Variants in EYS observed in about 807,000 individuals in gnomAD.
The protein encoded by EYS is protein eyes shut homolog.
EYS carries 250 observed loss-of-function variants against 282.1 expected under a neutral mutation model. The ratio of observed to expected loss-of-function variants is 0.89; its 90% CI spans 0.80 to 0.98. The LOEUF (loss-of-function observed/expected upper bound fraction) is 0.98. Ranked by LOEUF, EYS falls within the 50% of genes least tolerant of loss-of-function variation. The pLI is 0.00. For missense variants in EYS, 4,016 were observed against 3,709.0 expected, an observed-to-expected ratio of 1.08 and a Z score of -2.15; for synonymous variants, 1,355 against 1,282.9, an observed-to-expected ratio of 1.06 and a Z score of -1.20.
intron 12 of EYS, among the ~76,000 whole-genome samples, chr6:65,229,121 T>C (rs997493950): frequency 2.0e-5 from 3 of 152,116 alleles, no homozygotes; most frequent in Admixed American, 1.3e-4. Flanking sequence ...ACAATTTCAC[T>C]GAAGCCAAAT....
chr6:63,773,065 C>T (rs1052301918), intron 40 of EYS, among the ~76,000 whole-genome samples: 5 of 152,020 alleles, frequency 3.3e-5, no homozygotes, highest in African/African-American at 1.2e-4. Context: ...TGAAGTCCTC[C>T]ATTATATAAA....
rs1054515897 is a variant in EYS at position 64,591,212 on chromosome 6, A to T, written c.4655T>A (p.Leu1552Ter). The stretch of plus-strand genomic sequence containing the variant: ...AGAACATGTTGCACATGTTTGGCTT[A>T]ATTCTCTTAAAGAATCAGCAGCCTG... ...KSQAADSLRE[L>*]SQTCATCSMT... Residue 1552 changes from leucine (L) to a stop codon, truncating the protein, a stop_gained, in exon 26 of 43, where the codon TTA becomes TAA. Transcript: ENST00000503581. LOFTEE classifies it high-confidence loss of function. 6.4e-7 allele frequency: 1 copy of T among 1,551,376 alleles called. No individual in the cohort carries two copies. The highest frequency in any genetic ancestry group is 8.7e-7 in the Non-Finnish European group (1 of 1,146,800).
chr6:64,336,688 G>A (rs761850338), intron 29 of EYS, among the ~76,000 whole-genome samples: 68 of 151,852 alleles, frequency 4.5e-4, no homozygotes, highest in African/African-American at 1.4e-3. Flanking sequence ...ATTCAACAGC[G>A]CATGGAACTT....
intron 31 of EYS, among the ~76,000 whole-genome samples, chr6:64,227,308 G>A (rs1766279762): frequency 6.6e-6 from 1 of 151,480 alleles, no homozygotes; most frequent in African/African-American, 2.4e-5. Context: ...TAACTTCTTT[G>A]GTTTGACGAT....
intron 31 of EYS, among the ~76,000 whole-genome samples, chr6:64,202,651 T>A (rs1247433806): frequency 1.3e-5 from 2 of 152,114 alleles, no homozygotes; most frequent in Non-Finnish European, 2.9e-5. Flanking sequence ...GAAAATGTAA[T>A]CTTGTTTGGC....
At chr6:64,609,659 C>T (rs545499074) in intron 24 of EYS, among the ~76,000 whole-genome samples, 14 of 152,082 alleles carry the variant, frequency 9.2e-5, no homozygotes, top group East Asian at 5.8e-4. Context: ...TGAAGCAGGA[C>T]GGGTGCTTGA....
chr6:64,337,131 C>A (rs1353386011), intron 29 of EYS, among the ~76,000 whole-genome samples: 1 of 151,790 alleles, frequency 6.6e-6, no homozygotes, highest in Non-Finnish European at 1.5e-5. Flanking sequence ...AAGATCAGGG[C>A]AGAACTAAAT....
intron 29 of EYS, among the ~76,000 whole-genome samples, chr6:64,375,088 A>C (rs992502925): frequency 2.6e-5 from 4 of 152,216 alleles, no homozygotes; most frequent in Non-Finnish European, 5.9e-5. Flanking sequence ...TAAATATCTT[A>C]GTCAGAAAGT....
At chr6:63,753,687 A>C (rs1769404218) in intron 41 of EYS, among the ~76,000 whole-genome samples, 1 of 152,154 alleles carries the variant, frequency 6.6e-6, no homozygotes, top group African/African-American at 2.4e-5. Flanking sequence ...TTGGGATTAC[A>C]ATCCCTCCCT....
intron 28 of EYS, among the ~76,000 whole-genome samples, chr6:64,399,659 A>C (rs1174811005): frequency 2.6e-5 from 4 of 151,944 alleles, no homozygotes; most frequent in Non-Finnish European, 5.9e-5. Flanking sequence ...AAAACCTACA[A>C]TTACATAAGC....
intron 33 of EYS, among the ~76,000 whole-genome samples, chr6:64,060,021 G>T (rs1481060491): frequency 6.6e-6 from 1 of 151,950 alleles, no homozygotes; most frequent in East Asian, 1.9e-4. Flanking sequence ...TGAAAATCTT[G>T]CCAAACTTTC....
At chr6:64,473,516 C>A (rs931351523) in intron 26 of EYS, among the ~76,000 whole-genome samples, 1 of 152,022 alleles carries the variant, frequency 6.6e-6, no homozygotes, top group Non-Finnish European at 1.5e-5. Context: ...ATGATTACAG[C>A]AACAACATGG....
chr6:64,852,261 A>G (rs1024453745), intron 19 of EYS, among the ~76,000 whole-genome samples: 1 of 152,122 alleles, frequency 6.6e-6, no homozygotes, highest in Admixed American at 6.6e-5. Context: ...GTTCTGGGAA[A>G]AGCAGACCCA....
At chr6:65,255,258 CA>C (rs1767430106) in intron 12 of EYS, among the ~76,000 whole-genome samples, 1 of 151,710 alleles carries the variant, frequency 6.6e-6, no homozygotes, top group South Asian at 2.1e-4. Context: ...ACAAAGATGC[CA>C]AAAATATACA....
At chr6:64,340,190 T>TA (rs199515793) in intron 29 of EYS, among the ~76,000 whole-genome samples, 3,875 of 140,476 alleles carry the variant, frequency 0.028, 52 homozygotes, top group African/African-American at 0.042. Flanking sequence ...TGTGTGTGTG[T>TA]AAAAAAAAAA....
intron 35 of EYS, among the ~76,000 whole-genome samples, chr6:63,950,194 C>CAAAAAAAAAAAAAAA (rs563256139): frequency 7.7e-6 from 1 of 130,572 alleles, no homozygotes; most frequent in Non-Finnish European, 1.7e-5. Context: ...CAAAACAAAA[C>CAAAAAAAAAAAAAAA]AAAAAAAAAA....
chr6:64,222,259 G>A (rs1298423286), intron 31 of EYS, among the ~76,000 whole-genome samples: 2 of 151,670 alleles, frequency 1.3e-5, no homozygotes, highest in African/African-American at 4.8e-5. Flanking sequence ...GTATTTACAA[G>A]TAAGGGCATG....
At chr6:65,408,731 T>A (rs1766859133) in intron 5 of EYS, among the ~76,000 whole-genome samples, 1 of 152,186 alleles carries the variant, frequency 6.6e-6, no homozygotes, top group African/African-American at 2.4e-5. Context: ...CAAATCTTAC[T>A]GTCCTCTTTT....
chr6:63,858,720 G>T (rs1562063557), intron 36 of EYS, among the ~76,000 whole-genome samples: 1 of 152,146 alleles, frequency 6.6e-6, no homozygotes, highest in Non-Finnish European at 1.5e-5. Flanking sequence ...AAACATGGTG[G>T]GAAATGAGGG....
Sources: gnomAD v4.1 joint callset for allele counts (sites outside exome capture counted in the v4.1 genomes callset) on GRCh38, gnomAD v4.1.1 for gene constraint, MANE v1.5 for transcripts, NCBI Gene and HGNC (gene_info 2026-07-23, HGNC 2026-07-21) for gene names.